PDE10A: variants seen among roughly 807,000 people sequenced by gnomAD.
PDE10A encodes phosphodiesterase 10A.
In PDE10A, 39 loss-of-function variants were observed where a neutral mutation model predicts 97.7. The ratio of observed to expected loss-of-function variants is 0.40; its 90% CI spans 0.31 to 0.52. The LOEUF is 0.52. PDE10A is among the 20% of genes least tolerant of loss of function. The pLI is 0.56. For synonymous variants in PDE10A, 371 were observed against 376.8 expected (o/e 0.98, Z 0.18); for missense variants, 731 against 1,047.8 (o/e 0.70, Z 4.17).
rs980613303 is a variant in PDE10A, at chr6:165,943,210, A to G, written c.-615+44319T>C. On this transcript the variant is annotated intron_variant, in intron 1 of 19. Transcript: ENST00000366882. ...AAGAAAGAAAGAAAGAAAGAAAGAA[A>G]GAAAGAAAGAAAGAAAGAAAGAAAG... 8.2e-4 allele frequency among the ~76,000 whole-genome samples: 73 copies of G among 88,644 alleles called. 1 individual carries two copies. The highest frequency in any genetic ancestry group is 2.5e-3 in the African/African-American group (45 of 18,290). 58.2% of individuals were successfully genotyped at this position (88,644 alleles called of 152,430 possible). A position where few individuals can be genotyped will look rare whatever the true frequency, so the allele number is the denominator to read the frequency against.
chr6:165,596,121 A>G (rs1454434158), intron 1 of PDE10A, among the ~76,000 whole-genome samples: 1 of 134,258 alleles, frequency 7.4e-6, no homozygotes, highest in Non-Finnish European at 1.5e-5. Context: ...TTTTCTTCCT[A>G]AACCTGATGA....
At chr6:165,646,358 T>G (rs1020537990) in intron 1 of PDE10A, among the ~76,000 whole-genome samples, 1 of 152,186 alleles carries the variant, frequency 6.6e-6, no homozygotes, top group Non-Finnish European at 1.5e-5. Flanking sequence ...TTCAAGAAAA[T>G]TCCAAAGTAT....
chr6:165,946,409 G>A (rs1469819515), intron 1 of PDE10A, among the ~76,000 whole-genome samples: 2 of 151,786 alleles, frequency 1.3e-5, no homozygotes, highest in Non-Finnish European at 2.9e-5. Flanking sequence ...GCAGGAGAAT[G>A]GCGTGAACCA....
intron 1 of PDE10A, among the ~76,000 whole-genome samples, chr6:165,762,622 T>C (rs1793277994): frequency 1.3e-5 from 2 of 152,178 alleles, no homozygotes; most frequent in Non-Finnish European, 1.5e-5. Context: ...TCACCACAAA[T>C]GAAGTGAATT....
chr6:165,701,500 A>G (rs369530878), intron 1 of PDE10A, among the ~76,000 whole-genome samples: 11 of 152,216 alleles, frequency 7.2e-5, no homozygotes, highest in African/African-American at 2.7e-4. Flanking sequence ...ACTAGGTGCT[A>G]AGGATACAGA....
At position 165,613,476 on chromosome 6, in the gene PDE10A, C is replaced by T. The variant is rs374044592; in HGVS notation, c.865+48471G>A. ...GTTACATGGCAAAACTCCATCTCTA[C>T]AAAAATACAAAAATTAGCCAGGCGT... On this transcript the variant is annotated intron_variant, in intron 1 of 21. Transcript: ENST00000539869. 1.5e-4 allele frequency among the ~76,000 whole-genome samples: 23 copies of T among 151,898 alleles called. 1 individual carries two copies. The highest frequency in any genetic ancestry group is 5.3e-4 in the African/African-American group (22 of 41,436).
intron 1 of PDE10A, among the ~76,000 whole-genome samples, chr6:165,896,512 C>T (rs115208518): frequency 0.044 from 6,396 of 145,634 alleles, 176 homozygotes; most frequent in South Asian, 0.13. Flanking sequence ...CACCACAACA[C>T]GCCAGCTAAT....
intron 5 of PDE10A, among the ~76,000 whole-genome samples, chr6:165,435,752 A>T (rs1002841075): frequency 1.1e-4 from 16 of 151,526 alleles, no homozygotes; most frequent in Admixed American, 3.3e-4. Flanking sequence ...GACTTGACAC[A>T]TGTTACCTGA....
At chr6:165,758,468 GAAGAAGA>G (rs1793168362) in intron 1 of PDE10A, among the ~76,000 whole-genome samples, 4 of 123,846 alleles carry the variant, frequency 3.2e-5, no homozygotes, top group African/African-American at 5.3e-5. Context: ...CTTGAAAAAA[GAAGAAGA>G]AAGAAGAAAG....
rs118013963 is a variant in PDE10A at position 165,502,046 on chromosome 6, T to A, written c.995-19703A>T. ...AAGTGATTCAATGAAGAAAGGATAATCTTTTTCAACAAATGGTGCTGGAAG... is the reference window on the plus strand; with the variant it reads ...AAGTGATTCAATGAAGAAAGGATAAACTTTTTCAACAAATGGTGCTGGAAG... On this transcript the variant is annotated intron_variant, in intron 2 of 21. Coordinates refer to ENST00000539869, the MANE Select transcript of PDE10A (RefSeq NM_001385079.1). Among the ~76,000 whole-genome samples, 81 of 152,344 alleles carry A rather than the reference T, an allele frequency of 5.3e-4. 2 individuals are homozygous for A. The East Asian group carries it at 0.015, about 28-fold the overall frequency.
chr6:165,434,687 C>G (rs1281884258), intron 6 of PDE10A, among the ~76,000 whole-genome samples: 1 of 152,168 alleles, frequency 6.6e-6, no homozygotes, highest in African/African-American at 2.4e-5. Flanking sequence ...CAAAAACACA[C>G]CAGGATAGCC....
intron 1 of PDE10A, among the ~76,000 whole-genome samples, chr6:165,624,711 T>A (rs1158772936): frequency 1.3e-5 from 2 of 152,218 alleles, no homozygotes; most frequent in Non-Finnish European, 2.9e-5. Flanking sequence ...CTGCAGACCC[T>A]GGAAGCACAA....
chr6:165,419,479 T>C (rs1157453203), intron 10 of PDE10A, among the ~76,000 whole-genome samples: 2 of 152,196 alleles, frequency 1.3e-5, no homozygotes, highest in Admixed American at 6.5e-5. Context: ...GAGAAGTAAC[T>C]TGCCCCATTA....
chr6:165,690,453 C>T (rs1791240880), intron 1 of PDE10A, among the ~76,000 whole-genome samples: 1 of 152,210 alleles, frequency 6.6e-6, no homozygotes, highest in African/African-American at 2.4e-5. Context: ...TTCAGCCTGG[C>T]TCTCCTCCAG....
chr6:165,706,114 G>T (rs146861553), intron 1 of PDE10A, among the ~76,000 whole-genome samples: 18 of 152,350 alleles, frequency 1.2e-4, no homozygotes, highest in African/African-American at 4.3e-4. Flanking sequence ...GGGGAAGCCA[G>T]TTCCAGAAAT....
chr6:165,660,142 G>A (rs1790166866), intron 1 of PDE10A: 1 of 152,390 alleles, frequency 6.6e-6, no homozygotes, highest in East Asian at 1.9e-4. Context: ...AGGAACCCCA[G>A]TCCTAGACCA....
At chr6:165,682,308 T>G (rs1003493149) in intron 1 of PDE10A, among the ~76,000 whole-genome samples, 1 of 152,122 alleles carries the variant, frequency 6.6e-6, no homozygotes, top group Non-Finnish European at 1.5e-5. Context: ...ATTTTTTACA[T>G]TTTTTGGTAG....
At chr6:165,543,873 T>C (rs1283172815) in intron 1 of PDE10A, among the ~76,000 whole-genome samples, 3 of 149,558 alleles carry the variant, frequency 2.0e-5, no homozygotes, top group Admixed American at 1.3e-4. Context: ...CATATATACG[T>C]GTGTGTGTGT....
chr6:165,930,334 C>G (rs1783093127), intron 1 of PDE10A, among the ~76,000 whole-genome samples: 1 of 152,174 alleles, frequency 6.6e-6, no homozygotes, highest in Non-Finnish European at 1.5e-5. Context: ...AAGTTAGGGA[C>G]AAGTGGCCCA....
Sources: allele counts gnomAD v4.1 joint callset (sites outside exome capture counted in the v4.1 genomes callset), GRCh38; gene constraint gnomAD v4.1.1; transcripts MANE v1.5; gene names NCBI Gene and HGNC (gene_info 2026-07-23, HGNC 2026-07-21).